COL17A1: variants seen among roughly 807,000 people sequenced by gnomAD.
The protein encoded by COL17A1 is collagen type XVII alpha 1 chain, also known as collagen alpha-1(XVII) chain.
A neutral mutation model predicts 218.4 loss-of-function variants in COL17A1; 181 were observed. The ratio of observed to expected loss-of-function variants is 0.83; its 90% CI spans 0.73 to 0.94. The LOEUF (loss-of-function observed/expected upper bound fraction) is 0.94, where lower values mean the gene tolerates loss of function less well. Among genes scored for constraint, COL17A1 ranks in the 40% least tolerant of loss-of-function variants. COL17A1 has a pLI of 0.00. For missense variants in COL17A1, 1,924 were observed against 1,945.9 expected, an observed-to-expected ratio of 0.99 and a Z score of 0.21; for synonymous variants, 721 against 731.0, an observed-to-expected ratio of 0.99 and a Z score of 0.22.
intron 22 of COL17A1, 39 bp downstream of exon 22, chr10:104,053,881 A>C: frequency 8.5e-7 from 1 of 1,180,026 alleles, no homozygotes; most frequent in East Asian, 2.4e-5. Context: ...TGAATGAAAG[A>C]ATGAGGAATA....
chr10:104,043,894 T>C (rs1418005685), intron 33 of COL17A1, 34 bp from the exon 34 acceptor site: 1 of 1,613,818 alleles, frequency 6.2e-7, no homozygotes, highest in South Asian at 1.1e-5. Flanking sequence ...GAGTGGTTGT[T>C]CTGAGGATCA....
Position 104,056,010 on chromosome 10 carries a change from C to A in COL17A1, c.1466-7G>T. On this transcript the variant is annotated splice_region_variant and splice_polypyrimidine_tract_variant and intron_variant, in intron 17 of 55. Transcript: ENST00000648076. ...AGCTTCCTCACCTCCTCCGCTGCAA[C>A]AAACAGACACACACTGCGTCACTGA... is the stretch of plus-strand genomic sequence containing the variant. 1 of 1,614,208 alleles carries A rather than the reference C, an allele frequency of 6.2e-7. No homozygotes were observed. Among genetic ancestry groups the A allele is most frequent in the South Asian group, 1.1e-5 (1 of 91,082 alleles).
chr10:104,066,103 C>T (rs779311812), intron 9 of COL17A1, among the ~76,000 whole-genome samples: 2 of 152,152 alleles, frequency 1.3e-5, no homozygotes, highest in Non-Finnish European at 2.9e-5. Context: ...TGCAAAATAG[C>T]TCATTTTTGT....
chr10:104,057,128 C>T lies in COL17A1; in HGVS notation c.1312G>A (p.Gly438Ser). 1 of 1,603,142 alleles carries T rather than the reference C, an allele frequency of 6.2e-7. No individual in the cohort carries two copies. Among genetic ancestry groups the T allele is most frequent in the Non-Finnish European group, 8.5e-7 (1 of 1,179,652 alleles). Residue 438 changes from glycine to serine, a missense_variant, in exon 17 of 56, where the codon GGT (glycine) becomes AGT (serine). By Grantham distance (56) the Gly-to-Ser change is moderately conservative (BLOSUM62 0). Transcript: ENST00000648076. ...CCGCCAGCGCCACCAACACCGCCAC[C>T]TCCTCCACTGCCACCACCACCACTG... is the stretch of plus-strand genomic sequence containing the variant. The part of the protein sequence containing the change: ...GSSGGGGSGG[G>S]GGVGGAGGGP...
At chr10:104,033,417 C>T in intron 52 of COL17A1, 42 bp from the exon 53 acceptor site, 1 of 1,600,352 alleles carries the variant, frequency 6.2e-7, no homozygotes, top group Non-Finnish European at 8.5e-7. Context: ...CAGGGATCTC[C>T]CAGTACCCTC....
In COL17A1 at chr10:104,032,424, A is replaced by G. The variant is rs796477622; in HGVS notation, c.4439-134T>C. On this transcript the variant is annotated intron_variant, in intron 55 of 55. Coordinates refer to ENST00000648076, the MANE Select transcript of COL17A1 (RefSeq NM_000494.4). ...TGAAATCTTTTGTAAGACTACATTT[A>G]TTTAACTTGTTTGCCCCATTTCAAC... 3.3e-5 allele frequency: 28 copies of G among 853,756 alleles called. No homozygotes were observed. In the African/African-American group the frequency reaches 3.7e-4, roughly 11 times the overall value. 52.9% of individuals were successfully genotyped at this position (853,756 alleles called of 1,614,324 possible).
At chr10:104,045,932 C>T (rs1273019155) in intron 32 of COL17A1, 139 bp from the exon 33 acceptor site, 1 of 769,986 alleles carries the variant, frequency 1.3e-6, no homozygotes, top group Non-Finnish European at 2.3e-6. Flanking sequence ...TTGCCTTCCG[C>T]CTTAGTCTAG....
At chr10:104,034,425 C>A in intron 51 of COL17A1, 91 bp from the exon 52 acceptor site, 1 of 1,478,380 alleles carries the variant, frequency 6.8e-7, no homozygotes, top group South Asian at 1.3e-5. Flanking sequence ...GGTGTCAATG[C>A]CCCTGAGAGA....
rs1481807973 is a variant in COL17A1 at position 104,034,325 on chromosome 10, A to G, written c.3776T>C (p.Val1259Ala). 1.3e-6 allele frequency: 2 copies of G among 1,557,514 alleles called. No homozygotes were observed. Among genetic ancestry groups the G allele is most frequent in the African/African-American group, 1.4e-5 (1 of 73,218 alleles). ...TGGGGGGCCAACAATGAAGCTGCGC[A>G]CATCAGGACCTGCAGGGTGAGAAGC... ...ELISYLTSPDVRSFIVGPPGP... is the reference protein window; with the variant it reads ...ELISYLTSPDARSFIVGPPGP... The change falls in exon 52 of 56, where the codon GTG becomes GCG. Residue 1259 changes from valine (V) to alanine (A), a missense_variant. Transcript: ENST00000648076.
chr10:104,036,075 G>GAT (rs2086288502), intron 48 of COL17A1, among the ~76,000 whole-genome samples: 1 of 56,796 alleles, frequency 1.8e-5, no homozygotes. Flanking sequence ...TATGTGTATG[G>GAT]GAGTGTGTAT....
At chr10:104,069,519 C>T (rs1008195263) in intron 9 of COL17A1, among the ~76,000 whole-genome samples, 1 of 152,116 alleles carries the variant, frequency 6.6e-6, no homozygotes, top group Non-Finnish European at 1.5e-5. Context: ...TAAAATGCCT[C>T]GAATGTCTCC....
intron 35 of COL17A1, among the ~76,000 whole-genome samples, chr10:104,042,916 AT>A (rs1383610877): frequency 6.6e-6 from 1 of 152,172 alleles, no homozygotes; most frequent in Admixed American, 6.5e-5. Flanking sequence ...TTCTTCCAGC[AT>A]TTTTTCTTTT....
chr10:104,057,865 G>A (rs1451590240), intron 16 of COL17A1, among the ~76,000 whole-genome samples: 1 of 152,040 alleles, frequency 6.6e-6, no homozygotes, highest in Non-Finnish European at 1.5e-5. Flanking sequence ...GTTGTGTTAG[G>A]AGACAACCTA....
intron 15 of COL17A1, 140 bp from the exon 16 acceptor site, chr10:104,058,330 T>G: frequency 1.0e-6 from 1 of 976,804 alleles, no homozygotes. Flanking sequence ...AGCATCTCAG[T>G]CCTCACTAAT....
intron 20 of COL17A1, among the ~76,000 whole-genome samples, chr10:104,054,504 G>T (rs1363508227): frequency 6.6e-6 from 1 of 152,092 alleles, no homozygotes. Context: ...GAGGGTGTGG[G>T]TGGCAAGGAT....
intron 22 of COL17A1, among the ~76,000 whole-genome samples, chr10:104,053,581 C>T (rs893546467): frequency 2.6e-5 from 4 of 151,942 alleles, no homozygotes; most frequent in African/African-American, 4.8e-5. Context: ...TCTTGCCCTT[C>T]GAATCTTTGC....
At chr10:104,033,547 G>A (rs910924505) in intron 52 of COL17A1, among the ~76,000 whole-genome samples, 172 bp from the exon 53 acceptor site, 1 of 152,234 alleles carries the variant, frequency 6.6e-6, no homozygotes, top group African/African-American at 2.4e-5. Flanking sequence ...ACTGGCACAG[G>A]TCTCTTCCTG....
intron 29 of COL17A1, among the ~76,000 whole-genome samples, chr10:104,048,829 CTT>C (rs61545808): frequency 0.049 from 6,956 of 143,196 alleles, 549 homozygotes; most frequent in African/African-American, 0.16. Flanking sequence ...TCAACATGGT[CTT>C]TTTTTTTTTT....
chr10:104,057,277 G>C, intron 16 of COL17A1, 105 bp from the exon 17 acceptor site: 1 of 1,578,664 alleles, frequency 6.3e-7, no homozygotes, highest in Non-Finnish European at 8.7e-7. Flanking sequence ...ACTACGACTG[G>C]GGGCTTTCAA....
Sources: gnomAD v4.1 joint callset for allele counts (sites outside exome capture counted in the v4.1 genomes callset) on GRCh38, gnomAD v4.1.1 for gene constraint, MANE v1.5 for transcripts, NCBI Gene and HGNC (gene_info 2026-07-23, HGNC 2026-07-21) for gene names.